The following TMEM19 variants were observed in gnomAD, a reference collection of about 807,000 sequenced individuals.
The protein encoded by TMEM19 is transmembrane protein 19.
TMEM19 carries 21 observed loss-of-function variants against 33.6 expected under a neutral mutation model. That is an observed-to-expected ratio of 0.62 (90% CI 0.44 to 0.90). TMEM19 has a LOEUF of 0.90. TMEM19 is among the 40% of genes least tolerant of loss of function. TMEM19 has a pLI of 0.00. For synonymous variants in TMEM19, 149 were observed against 147.5 expected, an observed-to-expected ratio of 1.01 and a Z score of -0.07; for missense variants, 402 against 401.8, an observed-to-expected ratio of 1.00 and a Z score of 0.00.
Position 71,702,756 on chromosome 12 carries a change from A to G in TMEM19, c.*1761A>G, listed in dbSNP as rs1882001711. 6.6e-6 allele frequency: 1 copy of G among 152,202 alleles called. No homozygotes were observed. Among genetic ancestry groups the G allele is most frequent in the Non-Finnish European group, 1.5e-5 (1 of 68,040 alleles). 9.4% of individuals were successfully genotyped at this position (152,202 alleles called of 1,614,324 possible). A position where few individuals can be genotyped will look rare whatever the true frequency, so the allele number is the denominator to read the frequency against. On this transcript the variant is annotated 3_prime_UTR_variant, in exon 6 of 6. Transcript: ENST00000266673. ...TGAATCATCATGTAAGGAGTTTTTA[A>G]AACATTGTTGCCAGGGCCCCTTTCT...
chr12:71,691,154 G>A (rs1881778705), intron 2 of TMEM19, among the ~76,000 whole-genome samples: 1 of 152,144 alleles, frequency 6.6e-6, no homozygotes, highest in Admixed American at 6.5e-5. Flanking sequence ...TTATTAGGCA[G>A]AGTTCTTCAA....
Position 71,689,597 on chromosome 12 carries a change from T to TA in TMEM19, c.138dup (p.Arg47ThrfsTer21). ...CACCTTTATAATTTTTCAGGTAACT[T>TA]ACGACCTATTTCTCCGTGGCGTTGG... On this transcript the variant is annotated frameshift_variant, in exon 2 of 6. Coordinates refer to ENST00000266673, the MANE Select transcript of TMEM19 (RefSeq NM_018279.4). LOFTEE classifies it high-confidence loss of function. The TA allele has an allele frequency of 6.2e-7, 1 of 1,614,046 alleles. No individual in the cohort carries two copies. Among genetic ancestry groups the TA allele is most frequent in the Non-Finnish European group, 8.5e-7 (1 of 1,179,896 alleles).
chr12:71,693,278 C>G (rs1881815789), intron 2 of TMEM19, among the ~76,000 whole-genome samples: 1 of 151,930 alleles, frequency 6.6e-6, no homozygotes, highest in Non-Finnish European at 1.5e-5. Context: ...CTTAGTGCAG[C>G]CTTGAATTCC....
At chr12:71,696,074 T>C (rs1172342750) in intron 2 of TMEM19, among the ~76,000 whole-genome samples, 1 of 152,136 alleles carries the variant, frequency 6.6e-6, no homozygotes, top group African/African-American at 2.4e-5. Flanking sequence ...CCCAGCACTT[T>C]AGGAGGCCAA....
chr12:71,696,407 A>T, intron 2 of TMEM19, 29 bp from the exon 3 acceptor site: 1 of 1,541,174 alleles, frequency 6.5e-7, no homozygotes, highest in Non-Finnish European at 8.8e-7. Context: ...AATTGAATAT[A>T]ATTCTGTGTT....
At chr12:71,699,305 C>T (rs1320242701) in intron 5 of TMEM19, 196 bp downstream of exon 5, 7 of 625,064 alleles carry the variant, frequency 1.1e-5, no homozygotes, top group South Asian at 4.0e-5. Context: ...GAATTAGTCC[C>T]GCGCAGCAAT....
At chr12:71,697,988 A>C (rs1004291760) in intron 4 of TMEM19, among the ~76,000 whole-genome samples, 1 of 152,256 alleles carries the variant, frequency 6.6e-6, no homozygotes, top group Admixed American at 6.5e-5. Context: ...TGATGCTCAC[A>C]GGAAATGTTC....
chr12:71,687,536 C>T (rs1402323080), intron 1 of TMEM19, among the ~76,000 whole-genome samples: 1 of 151,294 alleles, frequency 6.6e-6, no homozygotes, highest in African/African-American at 2.4e-5. Flanking sequence ...CAGCCTGGGC[C>T]ACAGAGCGAG....
At chr12:71,700,374 A>G (rs1170983415) in intron 5 of TMEM19, among the ~76,000 whole-genome samples, 1 of 152,112 alleles carries the variant, frequency 6.6e-6, no homozygotes, top group Non-Finnish European at 1.5e-5. Flanking sequence ...TGCCAGCCCC[A>G]TGCTCAACCC....
At position 71,703,187 on chromosome 12, in the gene TMEM19, C is replaced by CAAAAAAAAAAAAAAAAAAAAAA. The variant is rs57148356; in HGVS notation, c.*2210_*2231dup. On this transcript the variant is annotated 3_prime_UTR_variant, in exon 6 of 6. Transcript: ENST00000266673. ...GGGAGACTCCATCTAGACTCCATCT[C>CAAAAAAAAAAAAAAAAAAAAAA]AAAAAAAAAAAAAAAAAAAAAAAAA... 10 of 47,194 alleles carry CAAAAAAAAAAAAAAAAAAAAAA rather than the reference C, an allele frequency of 2.1e-4. 2 individuals are homozygous for CAAAAAAAAAAAAAAAAAAAAAA. Among genetic ancestry groups the CAAAAAAAAAAAAAAAAAAAAAA allele is most frequent in the African/African-American group, 1.8e-4 (3 of 16,878 alleles). The allele number at this position is 47,194 out of a possible 1,614,324, so 2.9% of individuals were successfully genotyped here. A position where few individuals can be genotyped will look rare whatever the true frequency, so the allele number is the denominator to read the frequency against.
chr12:71,694,655 T>C lies in TMEM19; in HGVS notation c.245-1781T>C, dbSNP rs112063724. 5.2e-3 allele frequency among the ~76,000 whole-genome samples: 791 copies of C among 152,346 alleles called. 3 individuals are homozygous for C. Among genetic ancestry groups the C allele is most frequent in the African/African-American group, 0.018 (746 of 41,584 alleles). On this transcript the variant is annotated intron_variant, in intron 2 of 5. Transcript: ENST00000266673. ...AGGCTGCTTTGGTGAGTACAAAGTCTGAGAAACAGTTATGCAAATCCACAA... is the reference window on the plus strand; with the variant it reads ...AGGCTGCTTTGGTGAGTACAAAGTCCGAGAAACAGTTATGCAAATCCACAA...
At chr12:71,687,304 C>T (rs777742136) in intron 1 of TMEM19, among the ~76,000 whole-genome samples, 1 of 152,176 alleles carries the variant, frequency 6.6e-6, no homozygotes, top group Non-Finnish European at 1.5e-5. Flanking sequence ...ATGGGCCAGG[C>T]GCGGTGGCTC....
intron 5 of TMEM19, chr12:71,699,400 A>G (rs1881937485): frequency 1.9e-6 from 1 of 539,290 alleles, no homozygotes. Flanking sequence ...GAAAAGCAAG[A>G]CGTTTGGGAT....
At position 71,704,549 on chromosome 12, in the gene TMEM19, A is replaced by G. The variant is rs1005565840; in HGVS notation, c.*3554A>G. ...AGGTGAATTGTGGTGTGCTTTAAAA[A>G]TGAAAACACAGCCGGACGAGGTGGC... On this transcript the variant is annotated 3_prime_UTR_variant, in exon 6 of 6. Coordinates refer to ENST00000266673, the MANE Select transcript of TMEM19 (RefSeq NM_018279.4). 5.9e-5 allele frequency: 9 copies of G among 152,268 alleles called. No homozygotes were observed. The highest frequency in any genetic ancestry group is 2.2e-4 in the African/African-American group (9 of 41,464). The allele number at this position is 152,268 out of a possible 1,614,324, so 9.4% of individuals were successfully genotyped here. A position where few individuals can be genotyped will look rare whatever the true frequency, so the allele number is the denominator to read the frequency against.
rs948043724 is a variant in TMEM19 at position 71,701,777 on chromosome 12, A to G, written c.*782A>G. On this transcript the variant is annotated 3_prime_UTR_variant, in exon 6 of 6. Coordinates refer to ENST00000266673, the MANE Select transcript of TMEM19 (RefSeq NM_018279.4). ...GAATGTGTTTTCTAGCTTTCTTTGA[A>G]TTATGTATGGCAACCTGGTTTAGCA... 1 of 152,186 alleles carries G rather than the reference A, an allele frequency of 6.6e-6. No individual in the cohort carries two copies. The highest frequency in any genetic ancestry group is 2.4e-5 in the African/African-American group (1 of 41,450). The allele number at this position is 152,186 out of a possible 1,614,324, so 9.4% of individuals were successfully genotyped here. A position where few individuals can be genotyped will look rare whatever the true frequency, so the allele number is the denominator to read the frequency against.
intron 1 of TMEM19, 54 bp downstream of exon 1, chr12:71,686,864 A>G (rs1881699737): frequency 6.5e-7 from 1 of 1,535,388 alleles, no homozygotes; most frequent in East Asian, 2.3e-5. Flanking sequence ...AGGAAATTAA[A>G]ACCATACCAT....
At chr12:71,697,075 A>C (rs1881885917) in intron 3 of TMEM19, among the ~76,000 whole-genome samples, 1 of 152,232 alleles carries the variant, frequency 6.6e-6, no homozygotes, top group African/African-American at 2.4e-5. Flanking sequence ...GCAGAATTTT[A>C]GAAGCACTAG....
At chr12:71,699,170 GA>G (rs1565856569) in intron 5 of TMEM19, 61 bp downstream of exon 5, 3 of 1,566,090 alleles carry the variant, frequency 1.9e-6, no homozygotes, top group East Asian at 4.5e-5. Context: ...GGAAAAGAAA[GA>G]AAAAAATGTT....
Position 71,686,713 on chromosome 12 carries a change from A to AT in TMEM19, c.34dup (p.Tyr12LeufsTer7), listed in dbSNP as rs775720312. 9 of 1,611,708 alleles carry AT rather than the reference A, an allele frequency of 5.6e-6. No individual in the cohort carries two copies. The highest frequency in any genetic ancestry group is 7.6e-6 in the Non-Finnish European group (9 of 1,179,296). On this transcript the variant is annotated frameshift_variant, in exon 1 of 6. Transcript: ENST00000266673. LOFTEE classifies it high-confidence loss of function. Reference sequence around the variant, plus strand: ...ATCTTAACGACAATATATGCAAAAGATATATAAAGATGATAACTAATATAG... The same window carrying AT: ...ATCTTAACGACAATATATGCAAAAGATTATATAAAGATGATAACTAATATAG...
Sources: gnomAD v4.1 joint callset for allele counts (sites outside exome capture counted in the v4.1 genomes callset) on GRCh38, gnomAD v4.1.1 for gene constraint, MANE v1.5 for transcripts, NCBI Gene and HGNC (gene_info 2026-07-23, HGNC 2026-07-21) for gene names.